Variants in LUZP2 observed in about 807,000 individuals in gnomAD.
LUZP2 encodes leucine zipper protein 2.
A neutral mutation model predicts 51.6 loss-of-function variants in LUZP2; 52 were observed. The ratio of observed to expected loss-of-function variants is 1.01; its 90% CI spans 0.81 to 1.27. LUZP2 has a LOEUF of 1.27. LUZP2 is among the 50% of genes most tolerant of loss of function. LUZP2 has a pLI of 0.00. For synonymous variants in LUZP2, 154 were observed against 137.3 expected (o/e 1.12, Z -0.85); for missense variants, 436 against 395.4 (o/e 1.10, Z -0.87).
intron 1 of LUZP2, among the ~76,000 whole-genome samples, chr11:24,546,907 TTTTTGTTTTG>T (rs773863731): frequency 1.9e-4 from 29 of 151,886 alleles, no homozygotes; most frequent in South Asian, 8.3e-4. Context: ...CTGGTCCTGT[TTTTTGTTTTG>T]TTTTGTTTTG....
chr11:24,967,013 A>G (rs1855604288), intron 7 of LUZP2, among the ~76,000 whole-genome samples: 1 of 151,502 alleles, frequency 6.6e-6, no homozygotes, highest in African/African-American at 2.4e-5. Flanking sequence ...TCAAATAACT[A>G]TGTATGTTTT....
In LUZP2 at chr11:24,738,225, G is replaced by T; in HGVS notation, c.256G>T (p.Glu86Ter). 3 of 1,603,136 alleles carry T rather than the reference G, an allele frequency of 1.9e-6. No individual in the cohort carries two copies. The highest frequency in any genetic ancestry group is 2.6e-6 in the Non-Finnish European group (3 of 1,171,996). Residue 86 changes from glutamate to a stop codon, truncating the protein, a stop_gained, in exon 4 of 12, where the codon GAA becomes TAA. Coordinates refer to ENST00000336930, the MANE Select transcript of LUZP2 (RefSeq NM_001009909.4). LOFTEE classifies it high-confidence loss of function. ...CTCTGTTTTCTACTAAAATAGAGAA[G>T]AAATGAAGTCTCTTCAGGAGGCCCT... ...LLELGQKQRE[E>*]MKSLQEALQN...
At chr11:24,939,938 G>T (rs1854695469) in intron 7 of LUZP2, among the ~76,000 whole-genome samples, 1 of 151,886 alleles carries the variant, frequency 6.6e-6, no homozygotes, top group African/African-American at 2.4e-5. Context: ...ACTTATCCTT[G>T]CAGCCAATGA....
chr11:25,053,645 C>T (rs1407039258), intron 10 of LUZP2, among the ~76,000 whole-genome samples: 1 of 151,222 alleles, frequency 6.6e-6, no homozygotes, highest in Non-Finnish European at 1.5e-5. Flanking sequence ...CTTTTTATTG[C>T]TGAAAACCAT....
At chr11:24,590,221 A>T (rs1853212323) in intron 1 of LUZP2, among the ~76,000 whole-genome samples, 1 of 152,190 alleles carries the variant, frequency 6.6e-6, no homozygotes, top group African/African-American at 2.4e-5. Context: ...GTGACTTGTC[A>T]TTCTTAATAT....
intron 1 of LUZP2, among the ~76,000 whole-genome samples, chr11:24,536,766 C>T (rs1261520861): frequency 6.6e-6 from 1 of 151,912 alleles, no homozygotes; most frequent in Non-Finnish European, 1.5e-5. Flanking sequence ...ATTTCTTTTG[C>T]ATTCACAACT....
intron 1 of LUZP2, among the ~76,000 whole-genome samples, chr11:24,546,148 T>G (rs1590164704): frequency 6.6e-6 from 1 of 152,032 alleles, no homozygotes; most frequent in Non-Finnish European, 1.5e-5. Flanking sequence ...TGATACTTTT[T>G]TGAAGTTGCT....
At chr11:24,555,520 T>C (rs1851840472) in intron 1 of LUZP2, among the ~76,000 whole-genome samples, 1 of 152,158 alleles carries the variant, frequency 6.6e-6, no homozygotes, top group Admixed American at 6.5e-5. Context: ...AGAACTGGAC[T>C]CAACCTCTCT....
chr11:25,012,908 G>A (rs776443330), intron 9 of LUZP2, among the ~76,000 whole-genome samples: 16 of 152,006 alleles, frequency 1.1e-4, no homozygotes, highest in Non-Finnish European at 2.4e-4. Context: ...TATATCAAAT[G>A]GATACCTGTA....
intron 10 of LUZP2, among the ~76,000 whole-genome samples, chr11:25,068,717 C>T (rs1405226911): frequency 1.3e-5 from 2 of 151,918 alleles, no homozygotes. Context: ...AGGATATTTA[C>T]AATGTAATTG....
chr11:24,707,911 T>C (rs1857655124), intron 1 of LUZP2, among the ~76,000 whole-genome samples: 1 of 152,134 alleles, frequency 6.6e-6, no homozygotes, highest in Admixed American at 6.6e-5. Context: ...GGGAAGGGGT[T>C]CTTATCTCTG....
rs546682891 is a variant in LUZP2 at position 25,034,746 on chromosome 11, T to C, written c.766-15292T>C. Among the ~76,000 whole-genome samples the C allele has an allele frequency of 3.4e-4, 51 of 152,210 alleles. 1 individual carries two copies. Among genetic ancestry groups the C allele is most frequent in the African/African-American group, 1.0e-3 (43 of 41,562 alleles). On this transcript the variant is annotated intron_variant, in intron 9 of 11. Coordinates refer to ENST00000336930, the MANE Select transcript of LUZP2 (RefSeq NM_001009909.4). ...AAATGGTTATAGGTGTCCGACTTTA[T>C]TTCTGAGCCTTCTATTCCATTTAAT...
intron 7 of LUZP2, among the ~76,000 whole-genome samples, chr11:24,926,844 C>A (rs916956846): frequency 6.6e-6 from 1 of 151,604 alleles, no homozygotes; most frequent in African/African-American, 2.4e-5. Context: ...TGTAGTAGTT[C>A]AAATTCCCAC....
chr11:24,804,322 T>C (rs1327118076), intron 5 of LUZP2, among the ~76,000 whole-genome samples: 2 of 152,226 alleles, frequency 1.3e-5, no homozygotes, highest in South Asian at 2.1e-4. Flanking sequence ...GGTAGGAATG[T>C]TATAGAAATT....
intron 5 of LUZP2, among the ~76,000 whole-genome samples, chr11:24,776,236 CT>C (rs958894871): frequency 6.6e-6 from 1 of 152,200 alleles, no homozygotes; most frequent in Non-Finnish European, 1.5e-5. Flanking sequence ...AGACTAACAA[CT>C]GTGCAATTCA....
At chr11:24,586,191 T>G (rs1041399875) in intron 1 of LUZP2, among the ~76,000 whole-genome samples, 1 of 152,134 alleles carries the variant, frequency 6.6e-6, no homozygotes, top group Non-Finnish European at 1.5e-5. Flanking sequence ...AACAGAAGCA[T>G]GTATGTTCAA....
chr11:24,947,671 T>A (rs1452562357), intron 7 of LUZP2, among the ~76,000 whole-genome samples: 3 of 151,930 alleles, frequency 2.0e-5, no homozygotes, highest in Non-Finnish European at 2.9e-5. Flanking sequence ...TCTCAGTGTT[T>A]GTTCATCTGG....
intron 7 of LUZP2, among the ~76,000 whole-genome samples, chr11:24,916,582 G>A (rs1451281117): frequency 2.0e-5 from 3 of 152,028 alleles, no homozygotes. Flanking sequence ...AGAACGTGTG[G>A]TGTTTGGTTT....
At chr11:24,827,657 G>A (rs1385376087) in intron 5 of LUZP2, among the ~76,000 whole-genome samples, 1 of 152,120 alleles carries the variant, frequency 6.6e-6, no homozygotes, top group Non-Finnish European at 1.5e-5. Context: ...GGCTGAAGAG[G>A]TAGGTGGAAA....
Sources: allele counts gnomAD v4.1 joint callset (sites outside exome capture counted in the v4.1 genomes callset), GRCh38; gene constraint gnomAD v4.1.1; transcripts MANE v1.5; gene names NCBI Gene and HGNC (gene_info 2026-07-23, HGNC 2026-07-21).